PACRG: variants seen among roughly 807,000 people sequenced by gnomAD.
PACRG encodes parkin coregulated gene protein.
In PACRG, 29 loss-of-function variants were observed where a neutral mutation model predicts 29.7. The observed-to-expected ratio is 0.98, with a 90% CI of 0.73 to 1.33. The LOEUF is 1.33. Ranked by LOEUF, PACRG falls within the 40% of genes most tolerant of loss-of-function variation. PACRG has a pLI of 0.00. For missense variants in PACRG, 279 were observed against 316.2 expected, an observed-to-expected ratio of 0.88 and a Z score of 0.89; for synonymous variants, 116 against 118.7, an observed-to-expected ratio of 0.98 and a Z score of 0.15.
chr6:163,076,848 T>C (rs1217270180), intron 3 of PACRG, among the ~76,000 whole-genome samples: 1 of 152,142 alleles, frequency 6.6e-6, no homozygotes, highest in Non-Finnish European at 1.5e-5. Context: ...ACTCCAGTCC[T>C]ATCCCCACTC....
chr6:162,995,111 G>C (rs1803861820), intron 2 of PACRG, among the ~76,000 whole-genome samples: 1 of 150,924 alleles, frequency 6.6e-6, no homozygotes, highest in South Asian at 2.1e-4. Context: ...CAGATCTCCA[G>C]CTGCGTGCTG....
intron 4 of PACRG, among the ~76,000 whole-genome samples, chr6:163,137,030 A>G (rs1816964177): frequency 6.6e-6 from 1 of 152,230 alleles, no homozygotes; most frequent in East Asian, 1.9e-4. Flanking sequence ...TTGCAAATGC[A>G]TTTTTTACTT....
intron 1 of PACRG, among the ~76,000 whole-genome samples, chr6:162,762,904 C>T (rs1042041187): frequency 3.9e-5 from 6 of 152,074 alleles, no homozygotes; most frequent in African/African-American, 1.4e-4. Flanking sequence ...CATATATGTG[C>T]ACTATGTTGT....
chr6:163,103,887 G>C (rs1815237190), intron 4 of PACRG, among the ~76,000 whole-genome samples: 1 of 152,140 alleles, frequency 6.6e-6, no homozygotes, highest in African/African-American at 2.4e-5. Context: ...CTTGCCCAAG[G>C]TCACAGGGCA....
intron 2 of PACRG, among the ~76,000 whole-genome samples, chr6:162,931,007 G>A (rs944307397): frequency 7.3e-5 from 11 of 151,500 alleles, no homozygotes; most frequent in African/African-American, 2.7e-4. Flanking sequence ...TTTCATATAC[G>A]TTCTTCAGTG....
Position 162,877,118 on chromosome 6 carries a change from A to G in PACRG, c.291+62837A>G, listed in dbSNP as rs556552738. On this transcript the variant is annotated intron_variant, in intron 2 of 4. Coordinates refer to ENST00000366888, the MANE Select transcript of PACRG (RefSeq NM_001080379.2). ...CACAAGAATTATAAATCATTCTACT[A>G]TAAAGACACATGCACACGTAAGTTT... Among the ~76,000 whole-genome samples, 36 of 152,312 alleles carry G rather than the reference A, an allele frequency of 2.4e-4. 2 individuals are homozygous for G. The South Asian group carries it at 6.8e-3, about 29-fold the overall frequency.
intron 2 of PACRG, among the ~76,000 whole-genome samples, chr6:162,885,493 A>C (rs971744048): frequency 6.7e-6 from 1 of 148,922 alleles, no homozygotes; most frequent in East Asian, 1.9e-4. Context: ...TTGATCTCGA[A>C]CTCCTGACCT....
intron 3 of PACRG, among the ~76,000 whole-genome samples, chr6:163,085,191 T>C (rs1212199601): frequency 6.6e-6 from 1 of 152,188 alleles, no homozygotes; most frequent in African/African-American, 2.4e-5. Context: ...GAGGACTGTA[T>C]GTGCTCAGTC....
At chr6:163,186,051 C>A (rs998543195) in intron 4 of PACRG, among the ~76,000 whole-genome samples, 15 of 152,302 alleles carry the variant, frequency 9.8e-5, no homozygotes, top group Non-Finnish European at 1.6e-4. Flanking sequence ...AGTGACTGGG[C>A]CTTTCTGCTG....
intron 4 of PACRG, among the ~76,000 whole-genome samples, chr6:163,294,874 T>C (rs1784733768): frequency 6.6e-6 from 1 of 152,188 alleles, no homozygotes; most frequent in African/African-American, 2.4e-5. Flanking sequence ...CAACTGAATT[T>C]CTCAGCCAGA....
At chr6:162,848,362 A>T (rs1468075603) in intron 2 of PACRG, among the ~76,000 whole-genome samples, 1 of 152,240 alleles carries the variant, frequency 6.6e-6, no homozygotes, top group Non-Finnish European at 1.5e-5. Flanking sequence ...CTAGCTGGCC[A>T]GGAAAACACA....
intron 1 of PACRG, among the ~76,000 whole-genome samples, chr6:162,757,442 G>C (rs958453203): frequency 2.0e-5 from 3 of 152,180 alleles, no homozygotes; most frequent in African/African-American, 7.2e-5. Context: ...CCTGAAGTCA[G>C]GAGTTTGAGA....
chr6:163,264,979 T>C (rs1257132158), intron 4 of PACRG, among the ~76,000 whole-genome samples: 1 of 152,220 alleles, frequency 6.6e-6, no homozygotes, highest in Non-Finnish European at 1.5e-5. Flanking sequence ...CTGGGAATGA[T>C]AATTCTATGG....
intron 1 of PACRG, among the ~76,000 whole-genome samples, chr6:162,753,879 A>T (rs1355918585): frequency 6.6e-6 from 1 of 152,186 alleles, no homozygotes; most frequent in South Asian, 2.1e-4. Flanking sequence ...TAAATTACCC[A>T]GTCTCAGGTA....
At chr6:163,092,178 C>T (rs892128344) in intron 4 of PACRG, among the ~76,000 whole-genome samples, 1 of 152,146 alleles carries the variant, frequency 6.6e-6, no homozygotes, top group Non-Finnish European at 1.5e-5. Flanking sequence ...CCCCTCAAAG[C>T]GCAAACATTA....
intron 4 of PACRG, among the ~76,000 whole-genome samples, chr6:163,228,532 A>G (rs1434640430): frequency 2.0e-5 from 3 of 152,178 alleles, no homozygotes; most frequent in African/African-American, 7.2e-5. Flanking sequence ...AAGATAGTGC[A>G]CGGGTGCACG....
At position 163,196,327 on chromosome 6, in the gene PACRG, T is replaced by C. The variant is rs1585322765; in HGVS notation, c.613+106919T>C. On this transcript the variant is annotated intron_variant, in intron 4 of 4. Transcript: ENST00000366888. ...CTCCCCTGGTCAACCACGACCCAAA[T>C]GTTAAAGTGACCTTTCACTCTTTTC... Among the ~76,000 whole-genome samples the C allele has an allele frequency of 2.0e-5, 3 of 152,292 alleles. No individual in the cohort carries two copies. In the East Asian group the frequency reaches 5.8e-4, roughly 29 times the overall value.
At chr6:162,971,317 G>A (rs780908575) in intron 2 of PACRG, among the ~76,000 whole-genome samples, 1 of 152,148 alleles carries the variant, frequency 6.6e-6, no homozygotes, top group Non-Finnish European at 1.5e-5. Flanking sequence ...ATGGATCATG[G>A]ACCATATTGT....
intron 2 of PACRG, among the ~76,000 whole-genome samples, chr6:163,025,313 T>C (rs928120389): frequency 6.6e-6 from 1 of 152,204 alleles, no homozygotes; most frequent in Non-Finnish European, 1.5e-5. Context: ...TTGCTAACGA[T>C]ATGATTCTAT....
Sources: allele counts gnomAD v4.1 joint callset (sites outside exome capture counted in the v4.1 genomes callset), GRCh38; gene constraint gnomAD v4.1.1; transcripts MANE v1.5; gene names NCBI Gene and HGNC (gene_info 2026-07-23, HGNC 2026-07-21).